The following C16orf74 variants were observed in gnomAD, a reference collection of about 807,000 sequenced individuals.
C16orf74 encodes the protein calcimembrin.
C16orf74 carries 10 observed loss-of-function variants against 6.5 expected under a neutral mutation model. That is an observed-to-expected ratio of 1.54 (90% CI 0.95 to 2.61). The LOEUF (loss-of-function observed/expected upper bound fraction) is 2.61, where lower values mean the gene tolerates loss of function less well. C16orf74 is among the 30% of genes most tolerant of loss of function. The pLI, the probability that C16orf74 is intolerant of heterozygous loss-of-function variation, is 0.00. For synonymous variants in C16orf74, 60 were observed against 42.5 expected, an observed-to-expected ratio of 1.41 and a Z score of -1.60; for missense variants, 141 against 105.9, an observed-to-expected ratio of 1.33 and a Z score of -1.45.
At chr16:85,750,459 AG>A (rs1374431077) in intron 1 of C16orf74, among the ~76,000 whole-genome samples, 11 of 152,176 alleles carry the variant, frequency 7.2e-5, no homozygotes, top group African/African-American at 1.2e-4. Context: ...CTGGGAGCGC[AG>A]GGGGGCCCCT....
In C16orf74 at chr16:85,740,602, G is replaced by T. The variant is rs147410499; in HGVS notation, c.-18-5367C>A. Among the ~76,000 whole-genome samples the T allele has an allele frequency of 9.6e-3, 1,454 of 151,588 alleles. 6 individuals are homozygous for T. Among genetic ancestry groups the T allele is most frequent in the Non-Finnish European group, 0.013 (909 of 67,918 alleles). On this transcript the variant is annotated intron_variant, in intron 1 of 3. Transcript: ENST00000284245. ...AGCTACTAGAGACGCTGAGGCAGAA[G>T]AATGGCGTGAACCCGGGAGGCGGAG...
chr16:85,725,783 T>C (rs2054126994), intron 2 of C16orf74, among the ~76,000 whole-genome samples: 1 of 152,130 alleles, frequency 6.6e-6, no homozygotes, highest in Non-Finnish European at 1.5e-5. Context: ...TTTCTATTCT[T>C]TGTAGAGATG....
chr16:85,734,882 C>T (rs1354875485), intron 2 of C16orf74, among the ~76,000 whole-genome samples: 3 of 152,196 alleles, frequency 2.0e-5, no homozygotes, highest in Non-Finnish European at 4.4e-5. Context: ...ATATGCCTGG[C>T]TCCTTCGCAA....
chr16:85,732,267 T>C (rs1198046151), intron 2 of C16orf74, among the ~76,000 whole-genome samples: 1 of 152,310 alleles, frequency 6.6e-6, no homozygotes, highest in East Asian at 1.9e-4. Flanking sequence ...AGAGAATAAA[T>C]TCCTCTTTTA....
intron 1 of C16orf74, among the ~76,000 whole-genome samples, chr16:85,740,318 G>C (rs1429541204): frequency 1.3e-5 from 2 of 151,560 alleles, no homozygotes; most frequent in African/African-American, 4.8e-5. Context: ...ACTTTGGGAG[G>C]CTGAGGAGGG....
At chr16:85,730,639 G>C (rs73255181) in intron 2 of C16orf74, among the ~76,000 whole-genome samples, 5 of 116,536 alleles carry the variant, frequency 4.3e-5, no homozygotes, top group Admixed American at 3.7e-4. Context: ...AGTAACCCCA[G>C]TCCAGCCAAC....
chr16:85,730,775 A>G (rs1203426931), intron 2 of C16orf74, among the ~76,000 whole-genome samples: 1 of 151,128 alleles, frequency 6.6e-6, no homozygotes, highest in Non-Finnish European at 1.5e-5. Flanking sequence ...CAGACCAGAC[A>G]ACTTAAACCC....
At chr16:85,733,788 A>AG (rs985245751) in intron 2 of C16orf74, among the ~76,000 whole-genome samples, 17 of 152,084 alleles carry the variant, frequency 1.1e-4, no homozygotes, top group African/African-American at 4.1e-4. Context: ...CAGGTCCTGG[A>AG]GAGGACGTGG....
chr16:85,750,301 C>G (rs536980994), intron 1 of C16orf74, among the ~76,000 whole-genome samples: 2 of 152,322 alleles, frequency 1.3e-5, no homozygotes, highest in South Asian at 2.1e-4. Flanking sequence ...GCCCTCAGAC[C>G]CCGCCCTCCG....
chr16:85,725,618 T>C (rs571351751), intron 2 of C16orf74, among the ~76,000 whole-genome samples: 46 of 152,310 alleles, frequency 3.0e-4, no homozygotes, highest in African/African-American at 1.0e-3. Flanking sequence ...GGTCTTGCTC[T>C]GTTGCCAGGC....
chr16:85,719,956 C>T (rs767761834), intron 2 of C16orf74, among the ~76,000 whole-genome samples: 29 of 152,176 alleles, frequency 1.9e-4, no homozygotes, highest in Non-Finnish European at 3.8e-4. Flanking sequence ...CGGGGTGACA[C>T]TAATCCCTCA....
chr16:85,723,215 G>A (rs190550751), intron 2 of C16orf74, among the ~76,000 whole-genome samples: 8 of 136,750 alleles, frequency 5.9e-5, no homozygotes, highest in African/African-American at 2.2e-4. Flanking sequence ...AGCTGAGATC[G>A]CACCACTGTA....
At chr16:85,717,788 C>T (rs1054938218) in intron 2 of C16orf74, among the ~76,000 whole-genome samples, 2 of 152,236 alleles carry the variant, frequency 1.3e-5, no homozygotes, top group African/African-American at 2.4e-5. Context: ...GCTGGTAATA[C>T]ACAGAGCCTG....
chr16:85,743,204 G>A (rs1042692978), intron 1 of C16orf74: 2 of 152,180 alleles, frequency 1.3e-5, no homozygotes, highest in African/African-American at 4.8e-5. Flanking sequence ...TGAGAAGGAG[G>A]AGTTACAGCT....
chr16:85,733,703 A>G (rs1366208554), intron 2 of C16orf74, among the ~76,000 whole-genome samples: 1 of 152,144 alleles, frequency 6.6e-6, no homozygotes, highest in African/African-American at 2.4e-5. Flanking sequence ...AATTAACCTC[A>G]GCCACTCACA....
rs371853109 is a variant in C16orf74 at position 85,744,703 on chromosome 16, G to A, written c.-19+6223C>T. Among the ~76,000 whole-genome samples, 80 of 151,914 alleles carry A rather than the reference G, an allele frequency of 5.3e-4. No homozygotes were observed. In the East Asian group the frequency reaches 0.013, roughly 24 times the overall value. On this transcript the variant is annotated intron_variant, in intron 1 of 3. Transcript: ENST00000284245. ...AAATTAGTCAGGCATGGTGGCAGGC[G>A]CCTGTAGTCTCAGCTACTTGGGAGG...
chr16:85,745,445 C>G (rs1329919063), intron 1 of C16orf74, among the ~76,000 whole-genome samples: 4 of 152,224 alleles, frequency 2.6e-5, no homozygotes, highest in African/African-American at 4.8e-5. Context: ...GTCAGCTTGC[C>G]CTCTACAGAT....
chr16:85,708,429 A>G (rs1283843830), intron 3 of C16orf74, among the ~76,000 whole-genome samples: 1 of 152,100 alleles, frequency 6.6e-6, no homozygotes, highest in Non-Finnish European at 1.5e-5. Context: ...CAGCCGAGCT[A>G]AGGACCTGCG....
At chr16:85,718,764 G>A (rs764427538) in intron 2 of C16orf74, among the ~76,000 whole-genome samples, 3 of 152,250 alleles carry the variant, frequency 2.0e-5, no homozygotes, top group Admixed American at 6.5e-5. Context: ...TTCAGATCAC[G>A]AGTTGATGCT....
Sources: gnomAD v4.1 joint callset for allele counts (sites outside exome capture counted in the v4.1 genomes callset) on GRCh38, gnomAD v4.1.1 for gene constraint, MANE v1.5 for transcripts, NCBI Gene and HGNC (gene_info 2026-07-23, HGNC 2026-07-21) for gene names.